The following BRAP variants were observed in gnomAD, a reference collection of about 807,000 sequenced individuals.
The protein encoded by BRAP is BRCA1 associated protein.
In BRAP, 42 loss-of-function variants were observed where a neutral mutation model predicts 73.4. That is an observed-to-expected ratio of 0.57 (90% CI 0.45 to 0.74). BRAP has a LOEUF of 0.74. Ranked by LOEUF, BRAP falls within the 30% of genes least tolerant of loss-of-function variation. The pLI is 0.00. For missense variants in BRAP, 593 were observed against 751.4 expected, an observed-to-expected ratio of 0.79 and a Z score of 2.46; for synonymous variants, 255 against 267.4, an observed-to-expected ratio of 0.95 and a Z score of 0.45.
At chr12:111,646,262 T>C (rs1886108007) in intron 11 of BRAP, among the ~76,000 whole-genome samples, 1 of 151,900 alleles carries the variant, frequency 6.6e-6, no homozygotes, top group Admixed American at 6.6e-5. Context: ...CTCCAGCCTG[T>C]CTGACAGAGT....
At chr12:111,645,388 C>CT (rs960447613) in intron 11 of BRAP, among the ~76,000 whole-genome samples, 1 of 151,972 alleles carries the variant, frequency 6.6e-6, no homozygotes, top group Non-Finnish European at 1.5e-5. Flanking sequence ...TTTTAAGACA[C>CT]TTTTTTTTAA....
intron 3 of BRAP, among the ~76,000 whole-genome samples, chr12:111,681,141 G>A (rs1431634020): frequency 3.9e-5 from 6 of 152,190 alleles, no homozygotes; most frequent in East Asian, 1.9e-4. Context: ...AGGCTGAGGC[G>A]GGCGGATAAC....
At chr12:111,656,803 G>C (rs1886553751) in intron 9 of BRAP, among the ~76,000 whole-genome samples, 1 of 151,970 alleles carries the variant, frequency 6.6e-6, no homozygotes, top group Admixed American at 6.6e-5. Flanking sequence ...GTGCAATCAC[G>C]ACTCACTGCA....
Position 111,644,482 on chromosome 12 carries a change from G to A in BRAP, c.1496C>T (p.Ala499Val). 1 of 1,614,098 alleles carries A rather than the reference G, an allele frequency of 6.2e-7. No individual in the cohort carries two copies. The highest frequency in any genetic ancestry group is 8.5e-7 in the Non-Finnish European group (1 of 1,180,018). The change falls in exon 12 of 12, where the codon GCC becomes GTC. Residue 499 changes from alanine (A) to valine (V), a missense_variant. Coordinates refer to ENST00000419234, the MANE Select transcript of BRAP (RefSeq NM_006768.5). Reference sequence around the variant, plus strand: ...CTTGTTCTGCAGGAGGACTTGGTTGGCTCGCAAACACTTGTTCATTTCCTG... The same window carrying A: ...CTTGTTCTGCAGGAGGACTTGGTTGACTCGCAAACACTTGTTCATTTCCTG... The part of the protein sequence containing the change: ...EEQEMNKCLR[A>V]NQVLLQNKLK...
chr12:111,649,716 ACTG>A (rs1489024769), intron 11 of BRAP, among the ~76,000 whole-genome samples: 10 of 152,250 alleles, frequency 6.6e-5, no homozygotes, highest in African/African-American at 2.2e-4. Flanking sequence ...ATCTGCACAC[ACTG>A]CAAGTGCACA....
At chr12:111,678,572 G>A (rs952647651) in intron 4 of BRAP, among the ~76,000 whole-genome samples, 4 of 151,502 alleles carry the variant, frequency 2.6e-5, no homozygotes, top group Admixed American at 6.6e-5. Context: ...CAGGAAAATC[G>A]CTTGAACCCG....
At chr12:111,660,574 G>A (rs1197356098) in intron 7 of BRAP, 26 bp downstream of exon 7, 1 of 1,577,466 alleles carries the variant, frequency 6.3e-7, no homozygotes, top group Non-Finnish European at 8.6e-7. Flanking sequence ...TGCATTCTTT[G>A]TTCTTTTCCA....
intron 4 of BRAP, 146 bp from the exon 5 acceptor site, chr12:111,672,920 T>A: frequency 1.6e-6 from 1 of 610,172 alleles, no homozygotes; most frequent in South Asian, 2.1e-5. Context: ...AAGTCACATC[T>A]ACTGAAGCTG....
intron 9 of BRAP, among the ~76,000 whole-genome samples, chr12:111,656,600 G>A (rs1282328645): frequency 6.6e-6 from 1 of 152,216 alleles, no homozygotes; most frequent in Non-Finnish European, 1.5e-5. Flanking sequence ...AAACATGTCT[G>A]CAGACTACAG....
intron 3 of BRAP, 149 bp downstream of exon 3, chr12:111,681,488 G>C: frequency 3.3e-6 from 2 of 598,456 alleles, no homozygotes; most frequent in Non-Finnish European, 5.4e-6. Context: ...TAAAACATCT[G>C]AGAATTCTCT....
chr12:111,672,816 T>C, intron 4 of BRAP, 42 bp from the exon 5 acceptor site: 1 of 1,501,460 alleles, frequency 6.7e-7, no homozygotes, highest in South Asian at 1.2e-5. Flanking sequence ...TTAAGACAGA[T>C]ACCCTGAAAA....
chr12:111,659,419 C>T lies in BRAP; in HGVS notation c.973-74G>A, dbSNP rs551330429. 3.4e-4 allele frequency: 478 copies of T among 1,422,772 alleles called. 8 individuals carry two copies. In the South Asian group the frequency reaches 4.6e-3, roughly 14 times the overall value. The allele number at this position is 1,422,772 out of a possible 1,614,324, so 88.1% of individuals were successfully genotyped here. A position where few individuals can be genotyped will look rare whatever the true frequency, so the allele number is the denominator to read the frequency against. The stretch of plus-strand genomic sequence containing the variant: ...TGGCTGGGCGCGATGGCTCGGAGGC[C>T]GAGGCAGATGGATCACCTGAGGTCA... On this transcript the variant is annotated intron_variant, in intron 7 of 11. Transcript: ENST00000419234.
At chr12:111,653,306 A>C (rs1243000899) in intron 10 of BRAP, among the ~76,000 whole-genome samples, 2 of 152,172 alleles carry the variant, frequency 1.3e-5, no homozygotes, top group Non-Finnish European at 2.9e-5. Flanking sequence ...ACTACATCCT[A>C]ATATTTACAT....
chr12:111,685,658 C>T, intron 1 of BRAP, 53 bp downstream of exon 1: 2 of 1,556,292 alleles, frequency 1.3e-6, no homozygotes, highest in Non-Finnish European at 1.7e-6. Flanking sequence ...GGAAGGGAAG[C>T]CCTCCGGGCC....
intron 3 of BRAP, 108 bp downstream of exon 3, chr12:111,681,529 T>C: frequency 2.4e-6 from 2 of 839,736 alleles, no homozygotes; most frequent in Non-Finnish European, 3.6e-6. Context: ...ATTATTATTT[T>C]GAAGCTTAAA....
Position 111,642,853 on chromosome 12 carries a change from TAGTG to T in BRAP, c.*1342_*1345del, listed in dbSNP as rs1462740248. 1 of 152,186 alleles carries T rather than the reference TAGTG, an allele frequency of 6.6e-6. No homozygotes were observed. Among genetic ancestry groups the T allele is most frequent in the Admixed American group, 6.6e-5 (1 of 15,246 alleles). 9.4% of individuals were successfully genotyped at this position (152,186 alleles called of 1,614,324 possible). The stretch of plus-strand genomic sequence containing the variant: ...ACATCCCACAAAAACAGATGGTGAT[TAGTG>T]ATACAGTTGATGTGCTAACAAGTAA... On this transcript the variant is annotated 3_prime_UTR_variant, in exon 12 of 12. Transcript: ENST00000419234.
At chr12:111,680,123 A>T (rs1442763807) in intron 3 of BRAP, among the ~76,000 whole-genome samples, 1 of 150,970 alleles carries the variant, frequency 6.6e-6, no homozygotes, top group Non-Finnish European at 1.5e-5. Flanking sequence ...CGCCGGGCTA[A>T]TTTTTGTATT....
In BRAP at chr12:111,679,244, A is replaced by G; in HGVS notation, c.540T>C (p.Phe180=). 1 of 1,611,708 alleles carries G rather than the reference A, an allele frequency of 6.2e-7. No individual in the cohort carries two copies. The highest frequency in any genetic ancestry group is 2.2e-5 in the East Asian group (1 of 44,834). The change falls in exon 4 of 12, where the codon TTT becomes TTC. Residue 180 remains phenylalanine (F), a synonymous_variant. Coordinates refer to ENST00000419234, the MANE Select transcript of BRAP (RefSeq NM_006768.5). ...CAATTACTTCGTTAAATGGGGCAAC[A>G]AACTTCATAAGGTCATGACTGGTCA... ...AAMTSHDLMK[F]VAPFNEVIEQ...
intron 6 of BRAP, among the ~76,000 whole-genome samples, chr12:111,661,442 G>A (rs1317136209): frequency 6.6e-6 from 1 of 151,902 alleles, no homozygotes; most frequent in Non-Finnish European, 1.5e-5. Context: ...ACCACGCCCA[G>A]CTAATTTTGT....
Sources: gnomAD v4.1 joint callset for allele counts (sites outside exome capture counted in the v4.1 genomes callset) on GRCh38, gnomAD v4.1.1 for gene constraint, MANE v1.5 for transcripts, NCBI Gene and HGNC (gene_info 2026-07-23, HGNC 2026-07-21) for gene names.